Variants in CCDC160 observed in about 807,000 individuals in gnomAD.
CCDC160 encodes coiled-coil domain-containing protein 160.
For missense variants in CCDC160, 227 were observed against 215.6 expected (o/e 1.05, Z -0.33); for synonymous variants, 94 against 79.4 (o/e 1.18, Z -0.98).
chrX:134,244,810 A>G (rs2077036827), exon 2 of CCDC160: 1 of 1,163,036 alleles, frequency 8.6e-7, no homozygotes, highest in African/African-American at 1.8e-5. Flanking sequence ...AATGGATGCT[A>G]GAAGAAAACA....
Sources: allele counts gnomAD v4.1 joint callset, GRCh38; gene constraint gnomAD v4.1.1; transcripts MANE v1.5; gene names NCBI Gene and HGNC (gene_info 2026-07-23, HGNC 2026-07-21).